The following FNBP1 variants were observed in gnomAD, a reference collection of about 807,000 sequenced individuals.
The protein encoded by FNBP1 is formin binding protein 1.
A neutral mutation model predicts 90.6 loss-of-function variants in FNBP1; 26 were observed. That is an observed-to-expected ratio of 0.29 (90% confidence interval 0.21 to 0.40). The LOEUF (loss-of-function observed/expected upper bound fraction) is 0.40, where lower values mean the gene tolerates loss of function less well. Ranked by LOEUF, FNBP1 falls within the 10% of genes least tolerant of loss-of-function variation. The pLI, the probability that FNBP1 is intolerant of heterozygous loss-of-function variation, is 1.00. For synonymous variants in FNBP1, 260 were observed against 265.2 expected (o/e 0.98, Z 0.19); for missense variants, 635 against 768.0 (o/e 0.83, Z 2.05).
At chr9:129,983,549 G>T (rs912819128) in intron 2 of FNBP1, among the ~76,000 whole-genome samples, 1 of 152,110 alleles carries the variant, frequency 6.6e-6, no homozygotes, top group African/African-American at 2.4e-5. Context: ...GTTCAGGCGC[G>T]GTGGCTCATG....
Position 130,042,062 on chromosome 9 carries a change from C to T in FNBP1, c.24+890G>A, listed in dbSNP as rs1473995855. On this transcript the variant is annotated intron_variant, in intron 1 of 16. Transcript: ENST00000446176. The surrounding 1 kb of genome is among the most constrained non-coding windows in gnomAD (Gnocchi z 5.5). The stretch of plus-strand genomic sequence containing the variant: ...CCTGCCCAGTGATTTCCCCAGGAAT[C>T]CGGGGACGGCAGGAAAAGAGCTCCA... Among the ~76,000 whole-genome samples, 2 of 152,096 alleles carry T rather than the reference C, an allele frequency of 1.3e-5. No homozygotes were observed. The highest frequency in any genetic ancestry group is 2.9e-5 in the Non-Finnish European group (2 of 68,016).
chr9:129,986,999 C>T (rs2052380538), intron 2 of FNBP1, among the ~76,000 whole-genome samples: 1 of 151,894 alleles, frequency 6.6e-6, no homozygotes, highest in Non-Finnish European at 1.5e-5. Context: ...TGATCAACTC[C>T]AAGGCATTGC....
chr9:129,946,237 T>C (rs766471493), intron 6 of FNBP1, among the ~76,000 whole-genome samples: 2 of 152,172 alleles, frequency 1.3e-5, no homozygotes, highest in Non-Finnish European at 2.9e-5. Context: ...TCTACTTTAA[T>C]TCATAAATAA....
intron 1 of FNBP1, among the ~76,000 whole-genome samples, chr9:130,033,577 C>T (rs2059000309): frequency 6.6e-6 from 1 of 152,158 alleles, no homozygotes; most frequent in South Asian, 2.1e-4. Flanking sequence ...GTGGCTCACG[C>T]CTGTAATCCC....
chr9:129,992,734 A>G (rs1438069949), intron 2 of FNBP1, among the ~76,000 whole-genome samples: 1 of 149,720 alleles, frequency 6.7e-6, no homozygotes, highest in Non-Finnish European at 1.5e-5. Context: ...TTGTATTTTT[A>G]GTGGAGACGG....
At position 129,895,872 on chromosome 9, in the gene FNBP1, T is replaced by C. The variant is rs200187792; in HGVS notation, c.1812A>G (p.Ser604=). 6 of 1,613,252 alleles carry C rather than the reference T, an allele frequency of 3.7e-6. No homozygotes were observed. The highest frequency in any genetic ancestry group is 4.5e-5 in the East Asian group (2 of 44,874). The change falls in exon 16 of 17, where the codon TCA becomes TCG. Residue 604 remains serine, a synonymous_variant. Transcript: ENST00000446176. ...NEDEEGYVPT[S]YVEVCLDKNA... Reference sequence around the variant, plus strand: ...TTTTGTCCAAACAGACTTCGACATATGAAGTGGGGACATAACCCTCTTCAT... The same window carrying C: ...TTTTGTCCAAACAGACTTCGACATACGAAGTGGGGACATAACCCTCTTCAT...
chr9:129,942,297 A>AGATGTGACAACACTT (rs1801968707), intron 6 of FNBP1, among the ~76,000 whole-genome samples: 1 of 152,242 alleles, frequency 6.6e-6, no homozygotes, highest in South Asian at 2.1e-4. Context: ...GTGACATGGA[A>AGATGTGACAACACTT]GATGTGACAA....
chr9:129,996,423 A>C (rs765049168), intron 1 of FNBP1, among the ~76,000 whole-genome samples: 3 of 152,110 alleles, frequency 2.0e-5, no homozygotes, highest in Non-Finnish European at 4.4e-5. Flanking sequence ...CTCCATGGAA[A>C]ATTTGCTGCC....
At chr9:130,030,761 A>G (rs1193504361) in intron 1 of FNBP1, among the ~76,000 whole-genome samples, 1 of 152,202 alleles carries the variant, frequency 6.6e-6, no homozygotes, top group Non-Finnish European at 1.5e-5. Context: ...ACTTCTCACT[A>G]TAAGTTTAAA....
At chr9:129,950,812 G>A (rs1484201697) in intron 6 of FNBP1, among the ~76,000 whole-genome samples, 1 of 151,662 alleles carries the variant, frequency 6.6e-6, no homozygotes, top group Non-Finnish European at 1.5e-5. Context: ...TCTTTTTTTT[G>A]AGACAGGGTC....
intron 6 of FNBP1, among the ~76,000 whole-genome samples, chr9:129,934,484 G>A (rs1362095697): frequency 1.3e-5 from 2 of 152,100 alleles, no homozygotes; most frequent in Non-Finnish European, 1.5e-5. Context: ...ATTTAAACTT[G>A]AGAATTTTTT....
rs191141789 is a variant in FNBP1 at position 129,925,069 on chromosome 9, C to A, written c.878G>T (p.Arg293Leu). The A allele has an allele frequency of 1.5e-5, 24 of 1,613,676 alleles. No individual in the cohort carries two copies. The highest frequency in any genetic ancestry group is 1.4e-5 in the Non-Finnish European group (16 of 1,179,736). Reference protein sequence around the residue: ...EFEDYTQPMKRTVSDNSLSNS... With the variant: ...EFEDYTQPMKLTVSDNSLSNS... ...TGAAAGGCTGTTATCTGACACAGTG[C>A]GCTTCATTGGCTGAGTGTAATCCTC... is the stretch of plus-strand genomic sequence containing the variant. Residue 293 changes from arginine to leucine, a missense_variant, in exon 9 of 17, where the codon CGC (arginine) becomes CTC (leucine). By Grantham distance (102) the Arg-to-Leu change is moderately radical. Transcript: ENST00000446176.
Position 129,890,551 on chromosome 9 carries a change from A to G in FNBP1, c.1847-5T>C. ...CAGGCACTCCCCTCTAGGAATCTACAACACAAAGAGAAACAGAAAGAGAAA... is the reference window on the plus strand; with the variant it reads ...CAGGCACTCCCCTCTAGGAATCTACGACACAAAGAGAAACAGAAAGAGAAA... On this transcript the variant is annotated splice_polypyrimidine_tract_variant and splice_region_variant and intron_variant, in intron 16 of 16. Coordinates refer to ENST00000446176, the MANE Select transcript of FNBP1 (RefSeq NM_015033.3). This position sits in a 1 kb window ranked among gnomAD's most constrained non-coding sequence, Gnocchi z 5.8. The G allele has an allele frequency of 1.9e-6, 3 of 1,583,796 alleles. No individual in the cohort carries two copies. The highest frequency in any genetic ancestry group is 1.7e-6 in the Non-Finnish European group (2 of 1,165,684).
At chr9:129,990,919 T>C (rs1407437002) in intron 2 of FNBP1, among the ~76,000 whole-genome samples, 2 of 149,742 alleles carry the variant, frequency 1.3e-5, no homozygotes, top group Non-Finnish European at 3.0e-5. Context: ...ACAGAGATGA[T>C]GATGACACCA....
Position 129,890,622 on chromosome 9 carries a change from T to C in FNBP1, c.1847-76A>G, listed in dbSNP as rs2035009748. On this transcript the variant is annotated intron_variant, in intron 16 of 16. Coordinates refer to ENST00000446176, the MANE Select transcript of FNBP1 (RefSeq NM_015033.3). This position sits in a 1 kb window ranked among gnomAD's most constrained non-coding sequence, Gnocchi z 5.8. ...CGCGGGTTCCAGGCGGGCATTTTGC[T>C]CTTGGCTACAAACTGCACCGCCCTG... 2 of 1,274,110 alleles carry C rather than the reference T, an allele frequency of 1.6e-6. No homozygotes were observed. The highest frequency in any genetic ancestry group is 2.2e-6 in the Non-Finnish European group (2 of 898,698). 78.9% of individuals were successfully genotyped at this position (1,274,110 alleles called of 1,614,324 possible). A position where few individuals can be genotyped will look rare whatever the true frequency, so the allele number is the denominator to read the frequency against.
At chr9:130,044,768 TCTA>T (rs763948494), upstream of FNBP1, 3 of 151,974 alleles carry the variant, frequency 2.0e-5, no homozygotes, top group South Asian at 4.1e-4. Context: ...AAACCCCGTC[TCTA>T]CTAAAAACAC....
intron 12 of FNBP1, among the ~76,000 whole-genome samples, chr9:129,904,124 G>A (rs1292609363): frequency 6.6e-6 from 1 of 152,158 alleles, no homozygotes; most frequent in Non-Finnish European, 1.5e-5. Context: ...TGGCATCCTG[G>A]GTCTCACGGG....
upstream of FNBP1, among the ~76,000 whole-genome samples, chr9:130,046,078 CA>C (rs2060058165): frequency 1.3e-5 from 2 of 152,134 alleles, no homozygotes; most frequent in African/African-American, 4.8e-5. Context: ...TGTGATATTA[CA>C]AAATATATAT....
chr9:129,925,193 G>T lies in FNBP1; in HGVS notation c.790-36C>A, dbSNP rs769888348. On this transcript the variant is annotated intron_variant, in intron 8 of 16. Coordinates refer to ENST00000446176, the MANE Select transcript of FNBP1 (RefSeq NM_015033.3). Reference sequence around the variant, plus strand: ...ACCCACAAGCATATAAATACATTCAGAAGCATGCAAACACTTTTTAAACAA... The same window carrying T: ...ACCCACAAGCATATAAATACATTCATAAGCATGCAAACACTTTTTAAACAA... The T allele has an allele frequency of 3.3e-6, 5 of 1,536,208 alleles. No individual in the cohort carries two copies. In the African/African-American group the frequency reaches 6.8e-5, roughly 21 times the overall value.
Sources: allele counts gnomAD v4.1 joint callset (sites outside exome capture counted in the v4.1 genomes callset), GRCh38; gene constraint gnomAD v4.1.1; non-coding constraint Gnocchi (gnomAD v3.1); transcripts MANE v1.5; gene names NCBI Gene and HGNC (gene_info 2026-07-23, HGNC 2026-07-21).